Variants in HOMER1 observed in about 807,000 individuals in gnomAD.
HOMER1 encodes the protein homer protein homolog 1.
A neutral mutation model predicts 48.9 loss-of-function variants in HOMER1; 3 were observed. That is an observed-to-expected ratio of 0.06 (90% CI 0.03 to 0.16). The LOEUF is 0.16. Among genes scored for constraint, HOMER1 ranks in the 10% least tolerant of loss-of-function variants. The pLI is 1.00. For missense variants in HOMER1, 247 were observed against 411.4 expected (o/e 0.60, Z 3.46); for synonymous variants, 134 against 146.4 (o/e 0.92, Z 0.61).
rs1332452463 is a variant in HOMER1, at chr5:79,493,602, CA to C, written c.5+19167del. Among the ~76,000 whole-genome samples the C allele has an allele frequency of 2.0e-5, 3 of 152,206 alleles. No individual in the cohort carries two copies. In the East Asian group the frequency reaches 5.8e-4, roughly 29 times the overall value. ...TCCCTCAGTCTCCTTCTTTAACCTACAAACTATTCATATCCTTTCCTTCGGT... is the reference window on the plus strand; with the variant it reads ...TCCCTCAGTCTCCTTCTTTAACCTACAACTATTCATATCCTTTCCTTCGGT... On this transcript the variant is annotated intron_variant, in intron 1 of 8. Coordinates refer to ENST00000334082, the MANE Select transcript of HOMER1 (RefSeq NM_004272.5).
At chr5:79,378,222 C>CAAAAAAAAAAAAAAAAAAAAAAAAA (rs58802660) in intron 8 of HOMER1, among the ~76,000 whole-genome samples, 3 of 85,578 alleles carry the variant, frequency 3.5e-5, no homozygotes, top group African/African-American at 1.2e-4. Context: ...GACTCTGTCT[C>CAAAAAAAAAAAAAAAAAAAAAAAAA]AAAAAAAAAA....
At chr5:79,488,128 G>A (rs752593290) in intron 1 of HOMER1, among the ~76,000 whole-genome samples, 3 of 152,186 alleles carry the variant, frequency 2.0e-5, no homozygotes, top group Non-Finnish European at 2.9e-5. Context: ...AACTCCAGCA[G>A]GAATGACAGG....
intron 5 of HOMER1, among the ~76,000 whole-genome samples, chr5:79,409,428 CA>C (rs34814720): frequency 0.16 from 19,305 of 119,566 alleles, 1,389 homozygotes; most frequent in African/African-American, 0.24. Flanking sequence ...CAAGACGTCT[CA>C]AAAAAAAAAA....
rs952833103 is a variant in HOMER1 at position 79,375,685 on chromosome 5, T to C, written c.*324A>G. The C allele has an allele frequency of 3.2e-5, 6 of 188,384 alleles. No individual in the cohort carries two copies. The highest frequency in any genetic ancestry group is 4.6e-5 in the African/African-American group (2 of 43,022). 11.7% of individuals were successfully genotyped at this position (188,384 alleles called of 1,614,324 possible). ...CAAAAAGGGGATGTGACCTAGACATTGTTAATTCTCCCATTGGCTAATATC... is the reference window on the plus strand; with the variant it reads ...CAAAAAGGGGATGTGACCTAGACATCGTTAATTCTCCCATTGGCTAATATC... On this transcript the variant is annotated 3_prime_UTR_variant, in exon 9 of 9. Coordinates refer to ENST00000334082, the MANE Select transcript of HOMER1 (RefSeq NM_004272.5).
chr5:79,379,468 TTA>T (rs1306843546), intron 8 of HOMER1, among the ~76,000 whole-genome samples: 3 of 115,314 alleles, frequency 2.6e-5, no homozygotes, highest in South Asian at 2.6e-4. Flanking sequence ...AATATATATT[TTA>T]TATATAAATA....
chr5:79,393,636 TAAG>T (rs1306166713), intron 8 of HOMER1, among the ~76,000 whole-genome samples: 1 of 152,212 alleles, frequency 6.6e-6, no homozygotes, highest in Non-Finnish European at 1.5e-5. Flanking sequence ...TTTCCCAGCA[TAAG>T]AAATTTTAAA....
Position 79,451,273 on chromosome 5 carries a change from T to G in HOMER1, c.163-152A>C, listed in dbSNP as rs112482489. On this transcript the variant is annotated intron_variant, in intron 2 of 8. Coordinates refer to ENST00000334082, the MANE Select transcript of HOMER1 (RefSeq NM_004272.5). ...GTTACAGAAATAGTTTCTGGCATTATAAGTGATAGTGTGGAAATATGTTAA... is the reference window on the plus strand; with the variant it reads ...GTTACAGAAATAGTTTCTGGCATTAGAAGTGATAGTGTGGAAATATGTTAA... The G allele has an allele frequency of 4.0e-5, 28 of 704,362 alleles. No individual in the cohort carries two copies. The African/African-American group carries it at 4.4e-4, about 11-fold the overall frequency. 43.6% of individuals were successfully genotyped at this position (704,362 alleles called of 1,614,324 possible).
chr5:79,504,715 A>G (rs1752700382), intron 1 of HOMER1, among the ~76,000 whole-genome samples: 1 of 152,242 alleles, frequency 6.6e-6, no homozygotes, highest in Admixed American at 6.5e-5. Flanking sequence ...AAGAAAGACA[A>G]TAACTACTTA....
chr5:79,474,866 C>A (rs1015934379), intron 1 of HOMER1, among the ~76,000 whole-genome samples: 2 of 152,150 alleles, frequency 1.3e-5, no homozygotes, highest in African/African-American at 2.4e-5. Context: ...AAGCTGATGA[C>A]AGTTTCTAAA....
chr5:79,481,398 C>T (rs1232064188), intron 1 of HOMER1, among the ~76,000 whole-genome samples: 1 of 152,202 alleles, frequency 6.6e-6, no homozygotes. Flanking sequence ...CCTTGCTCTA[C>T]ACATATTCTT....
chr5:79,410,365 C>T (rs1476074265), intron 5 of HOMER1, among the ~76,000 whole-genome samples: 2 of 151,898 alleles, frequency 1.3e-5, no homozygotes, highest in African/African-American at 2.4e-5. Context: ...GTGGCGCATG[C>T]CTGTAATCCC....
In HOMER1 at chr5:79,376,152, A is replaced by G. The variant is rs752351458; in HGVS notation, c.922T>C (p.Leu308=). 1.2e-6 allele frequency: 2 copies of G among 1,613,724 alleles called. No homozygotes were observed. Among genetic ancestry groups the G allele is most frequent in the Non-Finnish European group, 1.7e-6 (2 of 1,179,862 alleles). ...NKDLEGQLSD[L]EQRLEKSQNE... The stretch of plus-strand genomic sequence containing the variant: ...TGACTTTTCTCCAGACGTTGCTCTA[A>G]GTCAGACAGTTGTCCCTCCAGGTCT... The change falls in exon 9 of 9, where the codon TTA becomes CTA. Residue 308 remains leucine (L), a synonymous_variant. Coordinates refer to ENST00000334082, the MANE Select transcript of HOMER1 (RefSeq NM_004272.5).
At chr5:79,449,664 G>A (rs1416601432) in intron 3 of HOMER1, among the ~76,000 whole-genome samples, 6 of 152,016 alleles carry the variant, frequency 3.9e-5, no homozygotes, top group Non-Finnish European at 5.9e-5. Context: ...TAGTAGAAAC[G>A]GGGTTTTGCC....
At chr5:79,454,876 G>T (rs570741002) in intron 2 of HOMER1, among the ~76,000 whole-genome samples, 17 of 152,236 alleles carry the variant, frequency 1.1e-4, no homozygotes, top group African/African-American at 3.8e-4. Flanking sequence ...CTGTGCTTTT[G>T]CCTAAATTTA....
intron 1 of HOMER1, among the ~76,000 whole-genome samples, chr5:79,500,653 G>C (rs1232697501): frequency 6.6e-6 from 1 of 150,972 alleles, no homozygotes; most frequent in Non-Finnish European, 1.5e-5. Context: ...TTCTGAGACA[G>C]AGTTTCTCTG....
rs578260749 is a variant in HOMER1 at position 79,390,699 on chromosome 5, T to C, written c.876+6124A>G. Among the ~76,000 whole-genome samples the C allele has an allele frequency of 1.2e-4, 18 of 152,188 alleles. 1 individual carries two copies. In the Middle Eastern group the frequency reaches 0.014, roughly 115 times the overall value. On this transcript the variant is annotated intron_variant, in intron 8 of 8. Transcript: ENST00000334082. ...TATTATGTCACCGAAAAAGCAGCAG[T>C]AAATTACGTAACATAGAAATTATAC...
At chr5:79,414,223 C>T (rs1749882086) in intron 5 of HOMER1, among the ~76,000 whole-genome samples, 1 of 150,758 alleles carries the variant, frequency 6.6e-6, no homozygotes, top group African/African-American at 2.4e-5. Flanking sequence ...GCTGGGACTA[C>T]AGGCATGCAA....
intron 3 of HOMER1, among the ~76,000 whole-genome samples, chr5:79,449,562 T>G (rs909987168): frequency 6.6e-6 from 1 of 152,246 alleles, no homozygotes. Context: ...AGCCTCTGCC[T>G]CCTGGGTTCA....
chr5:79,387,069 T>TTCTCTCTCTCTCTCTCTC (rs766145471), intron 8 of HOMER1, among the ~76,000 whole-genome samples: 1 of 132,354 alleles, frequency 7.6e-6, no homozygotes, highest in East Asian at 2.5e-4. Context: ...TTTCCTTTCT[T>TTCTCTCTCTCTCTCTCTC]TCTCTATCTC....
Sources: gnomAD v4.1 joint callset for allele counts (sites outside exome capture counted in the v4.1 genomes callset) on GRCh38, gnomAD v4.1.1 for gene constraint, MANE v1.5 for transcripts, NCBI Gene and HGNC (gene_info 2026-07-23, HGNC 2026-07-21) for gene names.